CASR: variants seen among roughly 807,000 people sequenced by gnomAD.
CASR encodes the protein calcium sensing receptor.
CASR carries 23 observed loss-of-function variants against 69.1 expected under a neutral mutation model. The ratio of observed to expected loss-of-function variants is 0.33; its 90% CI spans 0.24 to 0.47. The LOEUF is 0.47. CASR is among the 20% of genes least tolerant of loss of function. The pLI is 1.00. For missense variants in CASR, 924 were observed against 1,356.1 expected (o/e 0.68, Z 5.00); for synonymous variants, 541 against 544.7 (o/e 0.99, Z 0.10).
At chr3:122,186,240 A>G (rs1392355340) in intron 1 of CASR, among the ~76,000 whole-genome samples, 2 of 152,194 alleles carry the variant, frequency 1.3e-5, no homozygotes, top group Non-Finnish European at 2.9e-5. Context: ...TTCATATTGC[A>G]TAACCTTGAA....
chr3:122,199,487 A>T (rs2073921502), intron 1 of CASR, among the ~76,000 whole-genome samples: 1 of 152,204 alleles, frequency 6.6e-6, no homozygotes, highest in South Asian at 2.1e-4. Flanking sequence ...TTGATTAAGA[A>T]TGTAATTTGC....
chr3:122,227,760 A>G (rs1425308967), intron 1 of CASR, among the ~76,000 whole-genome samples: 1 of 152,096 alleles, frequency 6.6e-6, no homozygotes, highest in Non-Finnish European at 1.5e-5. Flanking sequence ...CTGGGGTTGA[A>G]AGCTGCCTAT....
At chr3:122,263,985 A>T (rs2074657689) in intron 4 of CASR, among the ~76,000 whole-genome samples, 2 of 152,176 alleles carry the variant, frequency 1.3e-5, no homozygotes, top group South Asian at 4.1e-4. Context: ...ACTGCAAGAC[A>T]AGAGTAGGGT....
At chr3:122,282,051 A>C in intron 5 of CASR, 62 bp from the exon 6 acceptor site, 1 of 1,612,846 alleles carries the variant, frequency 6.2e-7, no homozygotes, top group Non-Finnish European at 8.5e-7. Flanking sequence ...TTGAAGAGAC[A>C]GTAGGGCTGG....
At chr3:122,227,706 G>A (rs1188572877) in intron 1 of CASR, among the ~76,000 whole-genome samples, 1 of 152,124 alleles carries the variant, frequency 6.6e-6, no homozygotes, top group Non-Finnish European at 1.5e-5. Context: ...AGTGAGTGAG[G>A]GCTGCGAGGG....
At chr3:122,266,730 G>A (rs1250526348) in intron 4 of CASR, among the ~76,000 whole-genome samples, 1 of 152,044 alleles carries the variant, frequency 6.6e-6, no homozygotes. Context: ...AGAAGCCAGG[G>A]GCAGTGGCTC....
chr3:122,245,620 A>G (rs2107617486), intron 1 of CASR, among the ~76,000 whole-genome samples: 1 of 152,256 alleles, frequency 6.6e-6, no homozygotes, highest in Admixed American at 6.5e-5. Context: ...TGTACCCTAG[A>G]ACTTAAAGTA....
At position 122,276,051 on chromosome 3, in the gene CASR, T is replaced by C. The variant is rs1407921987; in HGVS notation, c.1608+9T>C. ...GTGGGTTCTCCAGGGAGGTAGGTGC[T>C]GTCCATCAGAAAACCAGATGTCTCC... On this transcript the variant is annotated intron_variant, in intron 5 of 6. Coordinates refer to ENST00000639785, the MANE Select transcript of CASR (RefSeq NM_000388.4). The C allele has an allele frequency of 2.6e-6, 4 of 1,568,028 alleles. No homozygotes were observed. The East Asian group carries it at 9.0e-5, about 35-fold the overall frequency.
In CASR at chr3:122,276,000, C is replaced by T; in HGVS notation, c.1566C>T (p.Phe522=). 1 of 1,613,836 alleles carries T rather than the reference C, an allele frequency of 6.2e-7. No homozygotes were observed. The highest frequency in any genetic ancestry group is 1.1e-5 in the South Asian group (1 of 91,058). ...NVYAKKGERL[F]INEEKILWSG... ...ATGCCAAGAAGGGAGAAAGACTCTT[C>T]ATCAACGAGGAGAAAATCCTGTGGA... The change falls in exon 5 of 7, where the codon TTC becomes TTT. Residue 522 remains phenylalanine, a synonymous_variant. Coordinates refer to ENST00000639785, the MANE Select transcript of CASR (RefSeq NM_000388.4).
chr3:122,278,010 T>C (rs1026432353), intron 5 of CASR, among the ~76,000 whole-genome samples: 2 of 152,158 alleles, frequency 1.3e-5, no homozygotes, highest in African/African-American at 4.8e-5. Context: ...TCAACAAATC[T>C]TAGGATCTAC....
chr3:122,228,677 A>C (rs2074250629), intron 1 of CASR, among the ~76,000 whole-genome samples: 1 of 152,204 alleles, frequency 6.6e-6, no homozygotes, highest in African/African-American at 2.4e-5. Flanking sequence ...ATGTTTATTG[A>C]TGGCTGACAT....
chr3:122,209,537 T>C (rs939783588), intron 1 of CASR, among the ~76,000 whole-genome samples: 2 of 152,182 alleles, frequency 1.3e-5, no homozygotes, highest in African/African-American at 4.8e-5. Context: ...CAGGAAAATT[T>C]TGCCTTATGA....
chr3:122,256,881 G>A (rs929014625), intron 2 of CASR, among the ~76,000 whole-genome samples, 200 bp from the exon 3 acceptor site: 1 of 152,200 alleles, frequency 6.6e-6, no homozygotes, highest in East Asian at 1.9e-4. Flanking sequence ...TCGGCCTCCC[G>A]AAGTGCTGAG....
rs2074983879 is a variant in CASR at position 122,287,897 on chromosome 3, T to G, written c.*2706T>G. 6.6e-6 allele frequency: 1 copy of G among 152,210 alleles called. No homozygotes were observed. The highest frequency in any genetic ancestry group is 2.4e-5 in the African/African-American group (1 of 41,440). 9.4% of individuals were successfully genotyped at this position (152,210 alleles called of 1,614,324 possible). On this transcript the variant is annotated 3_prime_UTR_variant, in exon 7 of 7. Transcript: ENST00000639785. ...GACAGTACACAGAGCTTATGGAGGC[T>G]AACAAAGCTTCCAGGGTACCAGAGA...
At chr3:122,234,882 A>G (rs956848466) in intron 1 of CASR, among the ~76,000 whole-genome samples, 2 of 152,256 alleles carry the variant, frequency 1.3e-5, no homozygotes, top group Admixed American at 1.3e-4. Context: ...AGTATGTTCC[A>G]GGATTTATTT....
At chr3:122,264,923 A>G (rs766734910) in intron 4 of CASR, among the ~76,000 whole-genome samples, 4 of 152,218 alleles carry the variant, frequency 2.6e-5, no homozygotes, top group Non-Finnish European at 4.4e-5. Flanking sequence ...CCAAGTCTCC[A>G]GCTGGAACTC....
chr3:122,285,685 A>G lies in CASR; in HGVS notation c.*494A>G, dbSNP rs2074961728. The G allele has an allele frequency of 5.6e-6, 1 of 178,122 alleles. No homozygotes were observed. Among genetic ancestry groups the G allele is most frequent in the Non-Finnish European group, 1.2e-5 (1 of 81,906 alleles). 11.0% of individuals were successfully genotyped at this position (178,122 alleles called of 1,614,324 possible). A position where few individuals can be genotyped will look rare whatever the true frequency, so the allele number is the denominator to read the frequency against. Reference sequence around the variant, plus strand: ...GTATCTCCTCCTATTTATGAAAACCATATGATATTTTGTCTCCTACCTGCT... The same window carrying G: ...GTATCTCCTCCTATTTATGAAAACCGTATGATATTTTGTCTCCTACCTGCT... On this transcript the variant is annotated 3_prime_UTR_variant, in exon 7 of 7. Coordinates refer to ENST00000639785, the MANE Select transcript of CASR (RefSeq NM_000388.4).
intron 4 of CASR, among the ~76,000 whole-genome samples, chr3:122,270,983 TC>T (rs2074751288): frequency 6.6e-6 from 1 of 152,256 alleles, no homozygotes. Flanking sequence ...GGATGACTGT[TC>T]TGTAAATATC....
rs953431949 is a variant in CASR, at chr3:122,289,595, G to A, written c.*4404G>A. On this transcript the variant is annotated 3_prime_UTR_variant, in exon 7 of 7. Transcript: ENST00000639785. ...TGCTAGGTGAAGGCCAACAGGGCAG[G>A]AAGCCGGGCAGAGCCAGCATGAAGG... 6.6e-6 allele frequency: 1 copy of A among 152,536 alleles called. No individual in the cohort carries two copies. Among genetic ancestry groups the A allele is most frequent in the Admixed American group, 6.5e-5 (1 of 15,294 alleles). The allele number at this position is 152,536 out of a possible 1,614,324, so 9.4% of individuals were successfully genotyped here.
Sources: gnomAD v4.1 joint callset for allele counts (sites outside exome capture counted in the v4.1 genomes callset) on GRCh38, gnomAD v4.1.1 for gene constraint, MANE v1.5 for transcripts, NCBI Gene and HGNC (gene_info 2026-07-23, HGNC 2026-07-21) for gene names.